The following C8orf34 variants were observed in gnomAD, a reference collection of about 807,000 sequenced individuals.
C8orf34 encodes chromosome 8 open reading frame 34.
Under a neutral mutation model 68.3 loss-of-function variants are expected in C8orf34, and 65 were observed. That is an observed-to-expected ratio of 0.95 (90% CI 0.78 to 1.17). The LOEUF (loss-of-function observed/expected upper bound fraction) is 1.17. Ranked by LOEUF, C8orf34 falls within the 50% of genes most tolerant of loss-of-function variation. The pLI is 0.00. For missense variants in C8orf34, 664 were observed against 655.4 expected, an observed-to-expected ratio of 1.01 and a Z score of -0.14; for synonymous variants, 244 against 241.2, an observed-to-expected ratio of 1.01 and a Z score of -0.11.
chr8:68,661,239 C>T (rs1819669176), intron 8 of C8orf34, among the ~76,000 whole-genome samples: 2 of 152,204 alleles, frequency 1.3e-5, no homozygotes, highest in Admixed American at 6.5e-5. Flanking sequence ...GCAGCTGTAC[C>T]ATTCATTCTT....
At chr8:68,419,617 G>A (rs559333500) in intron 1 of C8orf34, among the ~76,000 whole-genome samples, 2,336 of 151,554 alleles carry the variant, frequency 0.015, 55 homozygotes, top group African/African-American at 0.052. Context: ...AGAAAATGTG[G>A]CACATATACA....
chr8:68,393,147 G>A (rs1407212798), intron 1 of C8orf34, among the ~76,000 whole-genome samples: 1 of 152,108 alleles, frequency 6.6e-6, no homozygotes, highest in Non-Finnish European at 1.5e-5. Flanking sequence ...GTGTAAGCAG[G>A]ATTGGTCAAG....
Position 68,446,332 on chromosome 8 carries a change from C to G in C8orf34, c.479C>G (p.Ser160Cys), listed in dbSNP as rs558189286. 1.0e-5 allele frequency: 16 copies of G among 1,587,884 alleles called. No individual in the cohort carries two copies. The highest frequency in any genetic ancestry group is 1.1e-5 in the Non-Finnish European group (13 of 1,172,426). The part of the protein sequence containing the change: ...ALWAESEKSE[S>C]KGTRRDFRSY... ...TATATATATTTTGTTTTAACAGAAT[C>G]CAAAGGAACAAGAAGGGATTTCAGA... Residue 160 changes from serine to cysteine, a missense_variant, in exon 3 of 14, where the codon TCC (serine) becomes TGC (cysteine). Ser to Cys is a moderately radical substitution (Grantham distance 112). Coordinates refer to ENST00000518698, the MANE Select transcript of C8orf34 (RefSeq NM_052958.4).
intron 1 of C8orf34, among the ~76,000 whole-genome samples, chr8:68,352,279 G>A (rs1258562215): frequency 6.6e-6 from 1 of 151,954 alleles, no homozygotes; most frequent in African/African-American, 2.4e-5. Context: ...ACTGAAAAAA[G>A]TTACATTATT....
At chr8:68,475,822 T>A (rs1157186781) in intron 4 of C8orf34, among the ~76,000 whole-genome samples, 5 of 152,216 alleles carry the variant, frequency 3.3e-5, no homozygotes, top group Non-Finnish European at 7.3e-5. Flanking sequence ...GACAGCTCCC[T>A]GTGATGTGAG....
chr8:68,612,316 G>A (rs1818047345), intron 7 of C8orf34, among the ~76,000 whole-genome samples: 1 of 151,990 alleles, frequency 6.6e-6, no homozygotes, highest in African/African-American at 2.4e-5. Context: ...TTGTTTATGG[G>A]CAAGCTGAGA....
intron 2 of C8orf34, among the ~76,000 whole-genome samples, chr8:68,442,751 G>A (rs1810963981): frequency 6.6e-6 from 1 of 152,154 alleles, no homozygotes; most frequent in African/African-American, 2.4e-5. Flanking sequence ...GCAATATCAG[G>A]GAAACGAAGC....
intron 8 of C8orf34, among the ~76,000 whole-genome samples, chr8:68,661,779 G>A (rs886492527): frequency 4.6e-5 from 7 of 152,022 alleles, no homozygotes; most frequent in African/African-American, 4.8e-5. Flanking sequence ...AAGCACTTGT[G>A]GGGTAGTTGG....
At chr8:68,367,218 AG>A (rs1554532191) in intron 1 of C8orf34, among the ~76,000 whole-genome samples, 1 of 9,778 alleles carries the variant, frequency 1.0e-4, no homozygotes, top group Non-Finnish European at 1.8e-4. Flanking sequence ...CACACCAGTT[AG>A]AATGGCAATC....
intron 6 of C8orf34, 37 bp downstream of exon 6, chr8:68,522,008 G>A (rs1296076810): frequency 6.4e-7 from 1 of 1,556,470 alleles, no homozygotes; most frequent in Non-Finnish European, 8.8e-7. Context: ...TATATTACTA[G>A]TCATTAAAAG....
At chr8:68,695,938 A>G (rs1820819282) in intron 8 of C8orf34, among the ~76,000 whole-genome samples, 1 of 152,034 alleles carries the variant, frequency 6.6e-6, no homozygotes, top group African/African-American at 2.4e-5. Flanking sequence ...TTGCTCTTTC[A>G]GTTAATTTGT....
chr8:68,627,579 T>C (rs559603001), intron 7 of C8orf34, among the ~76,000 whole-genome samples: 2 of 152,282 alleles, frequency 1.3e-5, no homozygotes, highest in South Asian at 4.1e-4. Context: ...TCTTTTGTAT[T>C]TGTGGTGTGT....
intron 9 of C8orf34, among the ~76,000 whole-genome samples, chr8:68,720,120 G>A (rs908364076): frequency 3.3e-5 from 5 of 151,876 alleles, no homozygotes; most frequent in African/African-American, 4.8e-5. Context: ...TAATATCTAT[G>A]TTCTGTCAGG....
chr8:68,485,508 T>C (rs1184121698), intron 4 of C8orf34, among the ~76,000 whole-genome samples: 1 of 151,918 alleles, frequency 6.6e-6, no homozygotes, highest in African/African-American at 2.4e-5. Flanking sequence ...GGTCAGGAGT[T>C]TGAGACCAGC....
chr8:68,470,819 G>A (rs912631903), intron 4 of C8orf34, among the ~76,000 whole-genome samples: 1 of 152,010 alleles, frequency 6.6e-6, no homozygotes, highest in Non-Finnish European at 1.5e-5. Flanking sequence ...TCATGAGAAA[G>A]GAGCCCACAT....
At chr8:68,739,156 G>A (rs985438850) in intron 10 of C8orf34, among the ~76,000 whole-genome samples, 7 of 152,174 alleles carry the variant, frequency 4.6e-5, no homozygotes, top group African/African-American at 1.4e-4. Flanking sequence ...ATCAATAAAT[G>A]TGGTTCATCA....
At position 68,488,025 on chromosome 8, in the gene C8orf34, A is replaced by G. The variant is rs766098566; in HGVS notation, c.739A>G (p.Ile247Val). 1.3e-5 allele frequency: 21 copies of G among 1,588,534 alleles called. No individual in the cohort carries two copies. In the East Asian group the frequency reaches 4.5e-4, roughly 34 times the overall value. ...GKALENLSRS[I>V]AISDELDKET... Reference sequence around the variant, plus strand: ...TATAAATCTCTTTTAAATCCCAGGTATTGCAATTTCAGATGAACTCGATAA... The same window carrying G: ...TATAAATCTCTTTTAAATCCCAGGTGTTGCAATTTCAGATGAACTCGATAA... The change falls in exon 5 of 14, where the codon ATT (isoleucine) becomes GTT (valine). Residue 247 changes from isoleucine (I) to valine (V), a missense_variant and splice_region_variant. Transcript: ENST00000518698.
At chr8:68,797,866 A>G (rs1192134000) in intron 12 of C8orf34, among the ~76,000 whole-genome samples, 1 of 152,226 alleles carries the variant, frequency 6.6e-6, no homozygotes, top group Non-Finnish European at 1.5e-5. Context: ...TTCTCAGGAA[A>G]AAAGTGAGAC....
chr8:68,631,598 T>C (rs985506619), intron 7 of C8orf34, among the ~76,000 whole-genome samples: 93 of 152,204 alleles, frequency 6.1e-4, no homozygotes, highest in Admixed American at 2.9e-3. Flanking sequence ...GAAAGTACTA[T>C]TGATATTGTT....
Sources: allele counts gnomAD v4.1 joint callset (sites outside exome capture counted in the v4.1 genomes callset), GRCh38; gene constraint gnomAD v4.1.1; transcripts MANE v1.5; gene names NCBI Gene and HGNC (gene_info 2026-07-23, HGNC 2026-07-21).